Variants in MARK1 observed in about 807,000 individuals in gnomAD.
MARK1 encodes the protein serine/threonine-protein kinase MARK1.
In MARK1, 40 loss-of-function variants were observed where a neutral mutation model predicts 96.3. The ratio of observed to expected loss-of-function variants is 0.42; its 90% confidence interval spans 0.32 to 0.54. The LOEUF (loss-of-function observed/expected upper bound fraction) is 0.54. MARK1 is among the 20% of genes least tolerant of loss of function. MARK1 has a pLI of 0.16. For missense variants in MARK1, 719 were observed against 984.6 expected, an observed-to-expected ratio of 0.73 and a Z score of 3.61; for synonymous variants, 317 against 341.2, an observed-to-expected ratio of 0.93 and a Z score of 0.78.
At chr1:220,600,340 A>C (rs1665657072) in intron 5 of MARK1, among the ~76,000 whole-genome samples, 1 of 152,206 alleles carries the variant, frequency 6.6e-6, no homozygotes, top group Non-Finnish European at 1.5e-5. Context: ...AAATATTTCA[A>C]TTTAAACAAG....
chr1:220,623,734 T>C (rs1667166856), intron 9 of MARK1, among the ~76,000 whole-genome samples: 1 of 152,204 alleles, frequency 6.6e-6, no homozygotes, highest in Non-Finnish European at 1.5e-5. Flanking sequence ...ACCTATTGTA[T>C]TTTTTCCCGT....
At chr1:220,633,536 G>A (rs1041219423) in intron 11 of MARK1, among the ~76,000 whole-genome samples, 8 of 152,184 alleles carry the variant, frequency 5.3e-5, no homozygotes, top group African/African-American at 1.7e-4. Flanking sequence ...TGCTCTCAAG[G>A]AGCCCTTAGT....
rs1666295609 is a variant in MARK1 at position 220,609,437 on chromosome 1, C to T, written c.495+5300C>T. Reference sequence around the variant, plus strand: ...TCTTCCTCCATCCCTTTATTTTGAGCCTATGTGTGTCTCTGCACATGAGAT... The same window carrying T: ...TCTTCCTCCATCCCTTTATTTTGAGTCTATGTGTGTCTCTGCACATGAGAT... On this transcript the variant is annotated intron_variant, in intron 6 of 17. Coordinates refer to ENST00000366917, the MANE Select transcript of MARK1 (RefSeq NM_018650.5). 2.6e-5 allele frequency among the ~76,000 whole-genome samples: 4 copies of T among 152,072 alleles called. No individual in the cohort carries two copies. In the South Asian group the frequency reaches 8.3e-4, roughly 32 times the overall value.
chr1:220,552,608 A>G (rs6699835), intron 1 of MARK1, among the ~76,000 whole-genome samples: 1,736 of 152,284 alleles, frequency 0.011, 25 homozygotes, highest in African/African-American at 0.04. Context: ...GTTGCCTAGA[A>G]GCAATGCTAT....
intron 9 of MARK1, 130 bp from the exon 10 acceptor site, chr1:220,630,905 A>T (rs1165142271): frequency 1.6e-6 from 1 of 637,440 alleles, no homozygotes; most frequent in Non-Finnish European, 2.7e-6. Flanking sequence ...TTTTTGGCCC[A>T]CTAATCAAAC....
chr1:220,528,494 C>T lies in MARK1; in HGVS notation c.-329C>T. ...ATGGTCCGGAGAGCCTAGCGGGGCT[C>T]GCCACCGCCTCCCGGCTCCCCTTCC... On this transcript the variant is annotated 5_prime_UTR_variant, in exon 1 of 18. Coordinates refer to ENST00000366917, the MANE Select transcript of MARK1 (RefSeq NM_018650.5). 2.6e-6 allele frequency: 1 copy of T among 381,780 alleles called. No individual in the cohort carries two copies. The highest frequency in any genetic ancestry group is 5.0e-5 in the East Asian group (1 of 20,126). The allele number at this position is 381,780 out of a possible 1,614,324, so 23.6% of individuals were successfully genotyped here.
chr1:220,600,826 A>G (rs1013487048), intron 5 of MARK1, among the ~76,000 whole-genome samples: 4 of 152,106 alleles, frequency 2.6e-5, no homozygotes, highest in African/African-American at 9.7e-5. Flanking sequence ...AACTAGAATA[A>G]AAAGGATTTA....
At position 220,549,871 on chromosome 1, in the gene MARK1, T is replaced by C. The variant is rs544029499; in HGVS notation, c.51+20998T>C. On this transcript the variant is annotated intron_variant, in intron 1 of 17. Coordinates refer to ENST00000366917, the MANE Select transcript of MARK1 (RefSeq NM_018650.5). The stretch of plus-strand genomic sequence containing the variant: ...TGGTTGGATGGTTGTTGGGTTTTCA[T>C]TGGTAGGCTTATATAATATACTTTT... 3.3e-5 allele frequency among the ~76,000 whole-genome samples: 5 copies of C among 152,352 alleles called. No individual in the cohort carries two copies. The East Asian group carries it at 9.6e-4, about 29-fold the overall frequency.
intron 1 of MARK1, among the ~76,000 whole-genome samples, chr1:220,538,212 T>C (rs1048483202): frequency 1.3e-5 from 2 of 151,890 alleles, no homozygotes; most frequent in African/African-American, 4.8e-5. Flanking sequence ...TGGTTTTAGG[T>C]CTAACGTTTA....
intron 1 of MARK1, among the ~76,000 whole-genome samples, chr1:220,542,933 A>G (rs1286341154): frequency 1.3e-5 from 2 of 152,166 alleles, no homozygotes; most frequent in Non-Finnish European, 1.5e-5. Context: ...AAATTTCCAT[A>G]CTTATGTTCC....
At chr1:220,530,353 A>C (rs1206780359) in intron 1 of MARK1, among the ~76,000 whole-genome samples, 1 of 152,178 alleles carries the variant, frequency 6.6e-6, no homozygotes, top group Non-Finnish European at 1.5e-5. Flanking sequence ...TCAGAGAAAA[A>C]GATGGATATT....
intron 1 of MARK1, among the ~76,000 whole-genome samples, chr1:220,554,779 C>T (rs890841933): frequency 1.3e-5 from 2 of 152,192 alleles, no homozygotes; most frequent in Non-Finnish European, 2.9e-5. Flanking sequence ...ACTTAACTGT[C>T]ATTTTACAAG....
intron 6 of MARK1, among the ~76,000 whole-genome samples, chr1:220,607,879 T>G (rs918605683): frequency 6.6e-6 from 1 of 152,204 alleles, no homozygotes; most frequent in Admixed American, 6.5e-5. Context: ...TATATTGAAC[T>G]GGCCTTGCAT....
At chr1:220,532,677 C>T (rs900742318) in intron 1 of MARK1, among the ~76,000 whole-genome samples, 3 of 152,000 alleles carry the variant, frequency 2.0e-5, no homozygotes, top group African/African-American at 7.3e-5. Flanking sequence ...GCTGTTACTT[C>T]GAGAAAGTGT....
chr1:220,598,610 C>G (rs1177572930), intron 4 of MARK1, among the ~76,000 whole-genome samples: 2 of 151,676 alleles, frequency 1.3e-5, no homozygotes, highest in East Asian at 1.9e-4. Flanking sequence ...TTGCTATCTT[C>G]TGCTCTCCAC....
chr1:220,553,923 G>A (rs563760629), intron 1 of MARK1, among the ~76,000 whole-genome samples: 1 of 152,302 alleles, frequency 6.6e-6, no homozygotes, highest in East Asian at 1.9e-4. Flanking sequence ...TGACAGCCTA[G>A]GCCTGTTGCA....
intron 1 of MARK1, among the ~76,000 whole-genome samples, chr1:220,556,936 A>T (rs1572074803): frequency 6.6e-6 from 1 of 152,190 alleles, no homozygotes; most frequent in South Asian, 2.1e-4. Context: ...TGCAGCATTC[A>T]TCTAGTAGAC....
chr1:220,635,315 T>C, intron 11 of MARK1, 61 bp from the exon 12 acceptor site: 1 of 1,455,360 alleles, frequency 6.9e-7, no homozygotes. Flanking sequence ...AGTGCAGTGT[T>C]TGTGCAAACT....
chr1:220,589,446 A>AACTC (rs1298389759), intron 3 of MARK1, among the ~76,000 whole-genome samples: 1 of 152,226 alleles, frequency 6.6e-6, no homozygotes, highest in Non-Finnish European at 1.5e-5. Context: ...GAGTTTGGCT[A>AACTC]ACCCTGACCT....
Sources: allele counts gnomAD v4.1 joint callset (sites outside exome capture counted in the v4.1 genomes callset), GRCh38; gene constraint gnomAD v4.1.1; transcripts MANE v1.5; gene names NCBI Gene and HGNC (gene_info 2026-07-23, HGNC 2026-07-21).